The following CTNNA2 variants were observed in gnomAD, a reference collection of about 807,000 sequenced individuals.
CTNNA2 encodes the protein catenin alpha 2, also known as catenin alpha-2.
Under a neutral mutation model 101.0 loss-of-function variants are expected in CTNNA2, and 42 were observed. The ratio of observed to expected loss-of-function variants is 0.42; its 90% CI spans 0.32 to 0.54. CTNNA2 has a LOEUF of 0.54. Ranked by LOEUF, CTNNA2 falls within the 20% of genes least tolerant of loss-of-function variation. The pLI, the probability that CTNNA2 is intolerant of heterozygous loss-of-function variation, is 0.14. For missense variants in CTNNA2, 871 were observed against 1,223.1 expected, an observed-to-expected ratio of 0.71 and a Z score of 4.29; for synonymous variants, 450 against 456.4, an observed-to-expected ratio of 0.99 and a Z score of 0.18.
intron 7 of CTNNA2, among the ~76,000 whole-genome samples, chr2:80,085,435 A>G (rs935744123): frequency 1.1e-4 from 17 of 152,136 alleles, no homozygotes; most frequent in African/African-American, 4.1e-4. Context: ...GTGCAAAAAG[A>G]GAACACAAAC....
At chr2:79,672,500 G>A (rs1391594117) in intron 2 of CTNNA2, among the ~76,000 whole-genome samples, 1 of 151,846 alleles carries the variant, frequency 6.6e-6, no homozygotes, top group Non-Finnish European at 1.5e-5. Flanking sequence ...ATTTCGTAAT[G>A]GAAAGTGAAC....
intron 7 of CTNNA2, among the ~76,000 whole-genome samples, chr2:80,271,445 G>A (rs1001648139): frequency 7.5e-5 from 11 of 147,146 alleles, no homozygotes; most frequent in Non-Finnish European, 1.0e-4. Context: ...TTTCTGAGAT[G>A]GAGTCTCGCT....
At chr2:79,192,104 C>T (rs1177530842) in intron 1 of CTNNA2, among the ~76,000 whole-genome samples, 2 of 151,566 alleles carry the variant, frequency 1.3e-5, no homozygotes, top group African/African-American at 4.9e-5. Context: ...GGGCTGGTTT[C>T]TGTTTAACTC....
intron 3 of CTNNA2, among the ~76,000 whole-genome samples, chr2:79,790,942 A>G (rs1296127933): frequency 1.3e-5 from 2 of 152,234 alleles, no homozygotes; most frequent in East Asian, 3.8e-4. Context: ...TTTAGAACAT[A>G]GAGAACATAT....
intron 7 of CTNNA2, among the ~76,000 whole-genome samples, chr2:80,382,783 G>A (rs1032409536): frequency 3.9e-5 from 6 of 152,140 alleles, no homozygotes; most frequent in African/African-American, 1.4e-4. Context: ...TTTTTGAGAT[G>A]GTAGAAAAAT....
At chr2:80,433,894 A>G (rs113851540) in intron 9 of CTNNA2, among the ~76,000 whole-genome samples, 1 of 152,174 alleles carries the variant, frequency 6.6e-6, no homozygotes, top group African/African-American at 2.4e-5. Flanking sequence ...TGTCCAATGA[A>G]TTCTCTTGGT....
At chr2:80,061,275 C>A in intron 7 of CTNNA2, among the ~76,000 whole-genome samples, 1 of 151,924 alleles carries the variant, frequency 6.6e-6, no homozygotes, top group East Asian at 1.9e-4. Flanking sequence ...ACTGTGCATG[C>A]GTTATGTTCC....
At chr2:80,187,897 T>C (rs924519144) in intron 7 of CTNNA2, among the ~76,000 whole-genome samples, 1 of 152,188 alleles carries the variant, frequency 6.6e-6, no homozygotes, top group Non-Finnish European at 1.5e-5. Flanking sequence ...GTATCTTTTT[T>C]TTCTTCCTAA....
At chr2:80,173,978 G>T (rs2148967407) in intron 7 of CTNNA2, among the ~76,000 whole-genome samples, 1 of 152,256 alleles carries the variant, frequency 6.6e-6, no homozygotes, top group Non-Finnish European at 1.5e-5. Context: ...CATGCCTGTT[G>T]CAACAAAGAA....
chr2:80,573,563 A>G (rs1490277812), intron 12 of CTNNA2, among the ~76,000 whole-genome samples: 1 of 151,962 alleles, frequency 6.6e-6, no homozygotes, highest in African/African-American at 2.4e-5. Flanking sequence ...TCTCAAGTCC[A>G]GCATTTCTGA....
chr2:80,272,591 T>G (rs1446536795), intron 7 of CTNNA2, among the ~76,000 whole-genome samples: 1 of 152,176 alleles, frequency 6.6e-6, no homozygotes, highest in African/African-American at 2.4e-5. Context: ...CCCTACTTTT[T>G]TATGCCCCTT....
At chr2:80,036,569 T>C (rs1695663669) in intron 7 of CTNNA2, among the ~76,000 whole-genome samples, 1 of 152,090 alleles carries the variant, frequency 6.6e-6, no homozygotes, top group Non-Finnish European at 1.5e-5. Flanking sequence ...AGCACCACTG[T>C]ACTTTAGCCT....
In CTNNA2 at chr2:79,603,728, G is replaced by T. The variant is rs10173918; in HGVS notation, c.-5-47824G>T. Among the ~76,000 whole-genome samples the T allele has an allele frequency of 1.7e-3, 258 of 152,254 alleles. 3 individuals carry two copies. The highest frequency in any genetic ancestry group is 5.8e-3 in the African/African-American group (240 of 41,560). On this transcript the variant is annotated intron_variant, in intron 1 of 18. Coordinates refer to ENST00000402739, the MANE Select transcript of CTNNA2 (RefSeq NM_001282597.3). ...GAGCAACTGCCTGAAATTGTTGGTG[G>T]CAATACAAATTGTATTGAAAGACAT... is the stretch of plus-strand genomic sequence containing the variant.
At chr2:80,338,302 C>CT (rs551404160) in intron 7 of CTNNA2, among the ~76,000 whole-genome samples, 41,502 of 134,050 alleles carry the variant, frequency 0.31, 7,435 homozygotes, top group African/African-American at 0.51. Flanking sequence ...TTTTCTTTTT[C>CT]TTTTTTTTTT....
intron 7 of CTNNA2, among the ~76,000 whole-genome samples, chr2:79,931,460 G>C (rs1243107480): frequency 1.3e-5 from 2 of 152,084 alleles, no homozygotes; most frequent in Non-Finnish European, 2.9e-5. Context: ...AGGTCATGGA[G>C]GAGAATGCAT....
At chr2:80,580,377 CT>C in intron 13 of CTNNA2, among the ~76,000 whole-genome samples, 1 of 152,252 alleles carries the variant, frequency 6.6e-6, no homozygotes, top group East Asian at 1.9e-4. Flanking sequence ...TAACTCTACT[CT>C]TTTTAAGCAA....
intron 7 of CTNNA2, chr2:80,030,418 C>T (rs1297509183): frequency 6.6e-6 from 1 of 152,092 alleles, no homozygotes; most frequent in Non-Finnish European, 1.5e-5. Flanking sequence ...ACTTGATTTT[C>T]CTTGACACTG....
At chr2:80,209,390 C>G (rs1707747825) in intron 7 of CTNNA2, among the ~76,000 whole-genome samples, 1 of 151,848 alleles carries the variant, frequency 6.6e-6, no homozygotes, top group African/African-American at 2.4e-5. Flanking sequence ...GGGGTTTCAC[C>G]ATGTTGGCCA....
At chr2:80,220,569 AT>A (rs1480649994) in intron 7 of CTNNA2, among the ~76,000 whole-genome samples, 1 of 152,216 alleles carries the variant, frequency 6.6e-6, no homozygotes, top group Non-Finnish European at 1.5e-5. Flanking sequence ...TAAAAATAAA[AT>A]TAAAGAGTTA....
Sources: gnomAD v4.1 joint callset for allele counts (sites outside exome capture counted in the v4.1 genomes callset) on GRCh38, gnomAD v4.1.1 for gene constraint, MANE v1.5 for transcripts, NCBI Gene and HGNC (gene_info 2026-07-23, HGNC 2026-07-21) for gene names.